HDAC7: variants seen among roughly 807,000 people sequenced by gnomAD.
The protein encoded by HDAC7 is histone deacetylase 7A.
Under a neutral mutation model 115.5 loss-of-function variants are expected in HDAC7, and 26 were observed. The observed-to-expected ratio is 0.23, with a 90% CI of 0.16 to 0.31. The LOEUF is 0.31. Ranked by LOEUF, HDAC7 falls within the 10% of genes least tolerant of loss-of-function variation. The probability of loss-of-function intolerance (pLI) is 1.00; values close to 1 mark genes in which losing one functional copy is unlikely to be tolerated. For missense variants in HDAC7, 1,068 were observed against 1,329.0 expected, an observed-to-expected ratio of 0.80 and a Z score of 3.05; for synonymous variants, 564 against 550.9, an observed-to-expected ratio of 1.02 and a Z score of -0.33.
intron 1 of HDAC7, chr12:47,819,124 G>T (rs1470212071): frequency 6.6e-6 from 1 of 152,412 alleles, no homozygotes; most frequent in Admixed American, 6.5e-5. Flanking sequence ...GCTCACCAGG[G>T]CACAGGTGTC....
intron 1 of HDAC7, among the ~76,000 whole-genome samples, chr12:47,802,815 G>A (rs1454637986): frequency 2.0e-5 from 3 of 152,164 alleles, no homozygotes; most frequent in African/African-American, 7.2e-5. Context: ...GAGGTTTCCA[G>A]AGTGGGGGAG....
rs917336226 is a variant in HDAC7, at chr12:47,796,925, G to C, written c.703+92C>G. On this transcript the variant is annotated intron_variant, in intron 7 of 25. Transcript: ENST00000080059. ...TGCAACCACGCATGGCAGTCCTAAG[G>C]AGGGGACCCCTGTCTAGGTGGGGCC... 8 of 1,419,766 alleles carry C rather than the reference G, an allele frequency of 5.6e-6. No homozygotes were observed. The Admixed American group carries it at 1.3e-4, about 22-fold the overall frequency. The allele number at this position is 1,419,766 out of a possible 1,614,324, so 87.9% of individuals were successfully genotyped here. A position where few individuals can be genotyped will look rare whatever the true frequency, so the allele number is the denominator to read the frequency against.
At chr12:47,799,652 G>A (rs748132885) in intron 2 of HDAC7, among the ~76,000 whole-genome samples, 13 of 152,254 alleles carry the variant, frequency 8.5e-5, no homozygotes, top group Non-Finnish European at 1.3e-4. Flanking sequence ...CTCCATGGCA[G>A]CTCTGGGCCT....
intron 17 of HDAC7, 112 bp downstream of exon 17, chr12:47,789,701 T>G (rs1452039415): frequency 1.4e-6 from 2 of 1,382,848 alleles, no homozygotes; most frequent in African/African-American, 1.4e-5. Flanking sequence ...TCCAAAACCC[T>G]GTAGCAATCT....
chr12:47,800,668 C>T (rs1337163366), intron 2 of HDAC7, among the ~76,000 whole-genome samples: 1 of 152,216 alleles, frequency 6.6e-6, no homozygotes, highest in African/African-American at 2.4e-5. Context: ...TGTTCTGTGT[C>T]CTGGCTTCCC....
At chr12:47,789,157 G>A (rs926765355) in intron 19 of HDAC7, 104 bp downstream of exon 19, 3 of 877,500 alleles carry the variant, frequency 3.4e-6, no homozygotes, top group African/African-American at 3.3e-5. Flanking sequence ...GAGGCTCAGA[G>A]AGGCTACTGC....
chr12:47,806,818 C>T (rs1220136004), intron 1 of HDAC7, among the ~76,000 whole-genome samples: 1 of 152,210 alleles, frequency 6.6e-6, no homozygotes, highest in Non-Finnish European at 1.5e-5. Flanking sequence ...TAGTTTGCCT[C>T]CTGTACTTGT....
Position 47,795,236 on chromosome 12 carries a change from C to T in HDAC7, c.1232G>A (p.Gly411Asp), listed in dbSNP as rs1304637059. Residue 411 changes from glycine to aspartate, a missense_variant, in exon 11 of 26, where the codon GGC becomes GAC. Coordinates refer to ENST00000080059, the MANE Select transcript of HDAC7 (RefSeq NM_015401.5). This position sits in a 1 kb window ranked among gnomAD's most constrained non-coding sequence, Gnocchi z 4.3. ...PPSATAPPPP[G>D]PMQPRLEQLK... ...CTGCTCCAGGCGGGGCTGCATGGGG[C>T]CCGGCGGTGGGGGAGCGGTGGCACT... The T allele has an allele frequency of 1.2e-6, 2 of 1,612,732 alleles. No individual in the cohort carries two copies. Among genetic ancestry groups the T allele is most frequent in the African/African-American group, 1.3e-5 (1 of 74,886 alleles).
At chr12:47,819,231 T>C (rs1041810797) in intron 1 of HDAC7, 1 of 152,566 alleles carries the variant, frequency 6.6e-6, no homozygotes, top group Non-Finnish European at 1.5e-5. Flanking sequence ...CGCCGAAGGA[T>C]CTGAGTAGGG....
chr12:47,791,596 C>T lies in HDAC7; in HGVS notation c.1923G>A (p.Gly641=). The T allele has an allele frequency of 6.2e-7, 1 of 1,608,594 alleles. No homozygotes were observed. Among genetic ancestry groups the T allele is most frequent in the Non-Finnish European group, 8.5e-7 (1 of 1,177,478 alleles). ...NPLSRLKLDN[G]KLAGLLAQRM... Reference sequence around the variant, plus strand: ...CCACTAGGCCATTACCTGCCAGCTTCCCGTTGTCCAGTTTGAGGCGGCTGA... The same window carrying T: ...CCACTAGGCCATTACCTGCCAGCTTTCCGTTGTCCAGTTTGAGGCGGCTGA... The change falls in exon 15 of 26, where the codon GGG becomes GGA. Residue 641 remains glycine, a synonymous_variant. Coordinates refer to ENST00000080059, the MANE Select transcript of HDAC7 (RefSeq NM_015401.5).
intron 1 of HDAC7, among the ~76,000 whole-genome samples, chr12:47,814,466 A>C (rs1271668551): frequency 1.3e-5 from 2 of 152,158 alleles, no homozygotes; most frequent in Non-Finnish European, 2.9e-5. Flanking sequence ...GGTGGGAGGA[A>C]GGTGAAACAG....
At chr12:47,817,634 AAGGCCTGG>A (rs1266835718) in intron 1 of HDAC7, 1 of 152,292 alleles carries the variant, frequency 6.6e-6, no homozygotes, top group African/African-American at 2.4e-5. Flanking sequence ...GCAGAGTGAG[AAGGCCTGG>A]TTCTGGCCCC....
In HDAC7 at chr12:47,782,841, ACTCACACACACG is replaced by A. The variant is rs763555351; in HGVS notation, c.*988_*999del. The A allele has an allele frequency of 0.13, 19,094 of 152,650 alleles. 1,517 individuals carry two copies. The highest frequency in any genetic ancestry group is 0.18 in the Non-Finnish European group (12,020 of 67,854). The allele number at this position is 152,650 out of a possible 1,614,324, so 9.5% of individuals were successfully genotyped here. ...TAGGAAAGACACACACACACGCCTC[ACTCACACACACG>A]CTCACACACACGCCTCACTCACACA... On this transcript the variant is annotated 3_prime_UTR_variant, in exon 26 of 26. Coordinates refer to ENST00000080059, the MANE Select transcript of HDAC7 (RefSeq NM_015401.5).
chr12:47,795,199 G>A lies in HDAC7; in HGVS notation c.1269C>T (p.His423=), dbSNP rs764123625. 6.8e-6 allele frequency: 11 copies of A among 1,612,552 alleles called. No homozygotes were observed. Among genetic ancestry groups the A allele is most frequent in the African/African-American group, 5.3e-5 (4 of 74,890 alleles). Residue 423 remains histidine (H), a synonymous_variant, in exon 11 of 26, where the codon CAC becomes CAT. Transcript: ENST00000080059. This position sits in a 1 kb window ranked among gnomAD's most constrained non-coding sequence, Gnocchi z 4.3. ...TTCCTCTCACCTTGATCACCTGGAC[G>A]TGAGTTTTGAGCTGCTCCAGGCGGG... ...MQPRLEQLKT[H]VQVIKRSAKP... is the part of the protein sequence containing the mutation.
At chr12:47,800,454 C>A (rs535861931) in intron 2 of HDAC7, among the ~76,000 whole-genome samples, 2 of 152,310 alleles carry the variant, frequency 1.3e-5, no homozygotes, top group South Asian at 4.1e-4. Context: ...AAGGAGGTGC[C>A]CGCCATGTCC....
intron 24 of HDAC7, chr12:47,784,622 C>G (rs890331056): frequency 5.9e-6 from 7 of 1,188,986 alleles, no homozygotes; most frequent in Admixed American, 4.4e-5. Flanking sequence ...ACACAGCCCC[C>G]ACCAGTGCTC....
rs1943383072 is a variant in HDAC7 at position 47,789,839 on chromosome 12, A to G, written c.2065T>C (p.Phe689Leu). The part of the protein sequence containing the change: ...WAAGSVTDLA[F>L]KVASRELKNG... ...TTTAGCTCACGAGAAGCCACTTTGA[A>G]GGCGAGGTCAGTGACACTGCCAGCG... is the stretch of plus-strand genomic sequence containing the variant. Residue 689 changes from phenylalanine (F) to leucine (L), a missense_variant, in exon 17 of 26, where the codon TTC becomes CTC. Coordinates refer to ENST00000080059, the MANE Select transcript of HDAC7 (RefSeq NM_015401.5). 1 of 1,613,686 alleles carries G rather than the reference A, an allele frequency of 6.2e-7. No individual in the cohort carries two copies.
At chr12:47,809,884 T>G (rs1280264569) in intron 1 of HDAC7, among the ~76,000 whole-genome samples, 1 of 152,060 alleles carries the variant, frequency 6.6e-6, no homozygotes, top group African/African-American at 2.4e-5. Flanking sequence ...ACTAAACATT[T>G]TAATTGTACT....
intron 8 of HDAC7, 40 bp from the exon 9 acceptor site, chr12:47,796,056 C>G (rs766863174): frequency 2.6e-6 from 4 of 1,541,754 alleles, no homozygotes. Context: ...GGTCCCAGAC[C>G]TCTACCCCGG....
Sources: gnomAD v4.1 joint callset for allele counts (sites outside exome capture counted in the v4.1 genomes callset) on GRCh38, gnomAD v4.1.1 for gene constraint, Gnocchi (gnomAD v3.1) non-coding constraint, MANE v1.5 for transcripts, NCBI Gene and HGNC (gene_info 2026-07-23, HGNC 2026-07-21) for gene names.